Variants in ARF4 observed in about 807,000 individuals in gnomAD.
ARF4 encodes ADP-ribosylation factor 4.
In ARF4, 5 loss-of-function variants were observed where a neutral mutation model predicts 24.3. The observed-to-expected ratio is 0.21, with a 90% CI of 0.11 to 0.43. The LOEUF (loss-of-function observed/expected upper bound fraction) is 0.43, where lower values mean the gene tolerates loss of function less well. Among genes scored for constraint, ARF4 ranks in the 20% least tolerant of loss-of-function variants. The pLI is 1.00. For synonymous variants in ARF4, 62 were observed against 73.5 expected, an observed-to-expected ratio of 0.84 and a Z score of 0.80; for missense variants, 107 against 213.0, an observed-to-expected ratio of 0.50 and a Z score of 3.10.
chr3:57,575,845 CAG>C lies in ARF4; in HGVS notation c.331-174_331-173del, dbSNP rs369475919. On this transcript the variant is annotated intron_variant, in intron 4 of 5. Transcript: ENST00000303436. ...TCTCATATCCTTCAGTTTTTAAATC[CAG>C]AGCAAACAATCATATGCCTTCAAAT... Among the ~76,000 whole-genome samples the C allele has an allele frequency of 2.6e-3, 392 of 152,274 alleles. 1 individual carries two copies. Among genetic ancestry groups the C allele is most frequent in the African/African-American group, 8.7e-3 (360 of 41,554 alleles).
chr3:57,597,267 G>T lies in ARF4; in HGVS notation c.-127C>A. Reference sequence around the variant, plus strand: ...AAAGAGCGGAGGAAGAAAGAGGGAGGCAGAAACGTCTCAGTGGCCCCTGTG... The same window carrying T: ...AAAGAGCGGAGGAAGAAAGAGGGAGTCAGAAACGTCTCAGTGGCCCCTGTG... On this transcript the variant is annotated 5_prime_UTR_variant, in exon 1 of 6. Transcript: ENST00000303436. The T allele has an allele frequency of 1.1e-6, 1 of 908,850 alleles. No individual in the cohort carries two copies. Among genetic ancestry groups the T allele is most frequent in the Non-Finnish European group, 1.7e-6 (1 of 583,480 alleles). The allele number at this position is 908,850 out of a possible 1,614,324, so 56.3% of individuals were successfully genotyped here. A position where few individuals can be genotyped will look rare whatever the true frequency, so the allele number is the denominator to read the frequency against.
chr3:57,590,139 A>AAT (rs2070093633), intron 1 of ARF4, among the ~76,000 whole-genome samples: 2 of 144,568 alleles, frequency 1.4e-5, no homozygotes, highest in African/African-American at 2.5e-5. Context: ...AAATAAAACA[A>AAT]AAAACAAAAA....
chr3:57,582,755 A>ACTAAC (rs1553730425), intron 3 of ARF4, among the ~76,000 whole-genome samples: 1 of 151,470 alleles, frequency 6.6e-6, no homozygotes, highest in Non-Finnish European at 1.5e-5. Context: ...AAAAAAAATT[A>ACTAAC]TTAAGTAATA....
At chr3:57,578,398 AAAAG>A (rs964863815) in intron 3 of ARF4, among the ~76,000 whole-genome samples, 3 of 151,920 alleles carry the variant, frequency 2.0e-5, no homozygotes, top group African/African-American at 7.3e-5. Flanking sequence ...CTTAAAAAAA[AAAAG>A]AAAGAAAAAT....
At chr3:57,581,540 C>T (rs2069971005) in intron 3 of ARF4, among the ~76,000 whole-genome samples, 1 of 152,176 alleles carries the variant, frequency 6.6e-6, no homozygotes, top group South Asian at 2.1e-4. Flanking sequence ...GTAGCTCATG[C>T]CTGTAATCCC....
At chr3:57,589,515 C>T (rs566782075) in intron 1 of ARF4, among the ~76,000 whole-genome samples, 10 of 151,244 alleles carry the variant, frequency 6.6e-5, no homozygotes, top group South Asian at 4.2e-4. Context: ...GTCAGCAGTT[C>T]GCGACCAGCC....
At chr3:57,595,360 C>G (rs1036250611) in intron 1 of ARF4, among the ~76,000 whole-genome samples, 1 of 152,210 alleles carries the variant, frequency 6.6e-6, no homozygotes, top group African/African-American at 2.4e-5. Context: ...TCATTTATCA[C>G]AGTCCGAAGT....
intron 4 of ARF4, among the ~76,000 whole-genome samples, chr3:57,576,504 CTTTTTTTT>C (rs376750506): frequency 9.8e-6 from 1 of 101,616 alleles, no homozygotes; most frequent in African/African-American, 3.8e-5. Context: ...CTCAACCAAG[CTTTTTTTT>C]TTTTTTTTTT....
chr3:57,594,938 G>A (rs1420007165), intron 1 of ARF4, among the ~76,000 whole-genome samples: 1 of 152,112 alleles, frequency 6.6e-6, no homozygotes, highest in Non-Finnish European at 1.5e-5. Context: ...CCTTTGATGA[G>A]TTACCATAAA....
intron 4 of ARF4, among the ~76,000 whole-genome samples, chr3:57,575,976 G>A (rs2069897964): frequency 6.6e-6 from 1 of 152,078 alleles, no homozygotes. Flanking sequence ...GACTGATAAG[G>A]GCAAGAAATA....
rs561099030 is a variant in ARF4 at position 57,591,697 on chromosome 3, C to T, written c.67+5377G>A. ...GTCCAGGCTGGTCTCGAACTCCTGA[C>T]CTCGTGATCTGCCCGCCTCAGCCTC... On this transcript the variant is annotated intron_variant, in intron 1 of 5. Coordinates refer to ENST00000303436, the MANE Select transcript of ARF4 (RefSeq NM_001660.4). 2.6e-5 allele frequency among the ~76,000 whole-genome samples: 4 copies of T among 152,204 alleles called. No individual in the cohort carries two copies. In the East Asian group the frequency reaches 7.7e-4, roughly 29 times the overall value.
At chr3:57,579,705 G>A (rs1024476797) in intron 3 of ARF4, among the ~76,000 whole-genome samples, 1 of 152,146 alleles carries the variant, frequency 6.6e-6, no homozygotes, top group East Asian at 1.9e-4. Context: ...TTAGCAAATT[G>A]TAAGTCCATT....
chr3:57,581,691 T>C (rs944104724), intron 3 of ARF4, among the ~76,000 whole-genome samples: 2 of 152,080 alleles, frequency 1.3e-5, no homozygotes, highest in African/African-American at 4.8e-5. Flanking sequence ...TCCCAGCTAC[T>C]TGGGAGGCTG....
At chr3:57,590,315 T>G (rs2070096863) in intron 1 of ARF4, among the ~76,000 whole-genome samples, 1 of 150,840 alleles carries the variant, frequency 6.6e-6, no homozygotes, top group Non-Finnish European at 1.5e-5. Context: ...TGAAACCCTG[T>G]CTCTACTAAA....
intron 1 of ARF4, among the ~76,000 whole-genome samples, chr3:57,593,982 G>A (rs1384176897): frequency 5.3e-5 from 8 of 152,220 alleles, no homozygotes; most frequent in Non-Finnish European, 1.2e-4. Context: ...CTGGCTGGGT[G>A]TGATGGCTCA....
intron 4 of ARF4, among the ~76,000 whole-genome samples, chr3:57,576,242 A>G (rs780085025): frequency 6.6e-6 from 1 of 152,182 alleles, no homozygotes; most frequent in Admixed American, 6.5e-5. Context: ...AAAAGAACAC[A>G]TTGTATGTTT....
chr3:57,592,836 G>A (rs1243359980), intron 1 of ARF4, among the ~76,000 whole-genome samples: 1 of 152,070 alleles, frequency 6.6e-6, no homozygotes, highest in Non-Finnish European at 1.5e-5. Context: ...CTTGTAATAA[G>A]CTAAATCAAA....
At chr3:57,596,455 A>T (rs1467004710) in intron 1 of ARF4, among the ~76,000 whole-genome samples, 3 of 152,236 alleles carry the variant, frequency 2.0e-5, no homozygotes, top group Non-Finnish European at 4.4e-5. Flanking sequence ...TGAGATTAAC[A>T]AGGAGCGAAA....
chr3:57,595,190 T>A (rs938935639), intron 1 of ARF4, among the ~76,000 whole-genome samples: 2 of 152,252 alleles, frequency 1.3e-5, no homozygotes, highest in Non-Finnish European at 2.9e-5. Context: ...CATACTTCTA[T>A]ATTCCTTGCC....
Sources: gnomAD v4.1 joint callset for allele counts (sites outside exome capture counted in the v4.1 genomes callset) on GRCh38, gnomAD v4.1.1 for gene constraint, MANE v1.5 for transcripts, NCBI Gene and HGNC (gene_info 2026-07-23, HGNC 2026-07-21) for gene names.